The following RBM10 variants were observed in gnomAD, a reference collection of about 807,000 sequenced individuals.
RBM10 encodes RNA-binding protein 10.
RBM10 carries 1 observed loss-of-function variant against 84.9 expected under a neutral mutation model. The ratio of observed to expected loss-of-function variants is 0.01; its 90% confidence interval spans 0.00 to 0.06. RBM10 has a LOEUF of 0.06. Among genes scored for constraint, RBM10 ranks in the 10% least tolerant of loss-of-function variants. The pLI is 1.00. For missense variants in RBM10, 438 were observed against 839.0 expected, an observed-to-expected ratio of 0.52 and a Z score of 5.90; for synonymous variants, 326 against 344.5, an observed-to-expected ratio of 0.95 and a Z score of 0.60.
intron 17 of RBM10, among the ~76,000 whole-genome samples, 193 bp from the exon 18 acceptor site, chrX:47,184,862 T>G (rs1005087822): frequency 2.7e-5 from 3 of 110,759 alleles, no homozygotes; most frequent in Non-Finnish European, 5.7e-5. Context: ...TTATACTTCA[T>G]GAAAGAGCGC....
At position 47,185,480 on chromosome X, in the gene RBM10, G is replaced by A; in HGVS notation, c.2205G>A (p.Glu735=). 1 of 1,173,027 alleles carries A rather than the reference G, an allele frequency of 8.5e-7. No homozygotes were observed. The highest frequency in any genetic ancestry group is 1.1e-6 in the Non-Finnish European group (1 of 875,718). The change falls in exon 20 of 24, where the codon GAG becomes GAA. Residue 735 remains glutamate (E), a synonymous_variant. Coordinates refer to ENST00000377604, the MANE Select transcript of RBM10 (RefSeq NM_005676.5). ...PRGLVAAYSG[E]SDSEEEQERG... ...GACTGGTGGCAGCCTACAGCGGGGA[G>A]AGTGACAGTGAGGAGGAGCAGGAGC... is the stretch of plus-strand genomic sequence containing the variant.
intron 5 of RBM10, among the ~76,000 whole-genome samples, chrX:47,174,582 G>T (rs782318007): frequency 9.0e-6 from 1 of 111,655 alleles, no homozygotes; most frequent in African/African-American, 3.3e-5. Context: ...AGCTGGGCCC[G>T]CCCTGGAGTT....
chrX:47,169,565 T>G lies in RBM10; in HGVS notation c.201+67T>G, dbSNP rs1262945673. 32 of 1,070,315 alleles carry G rather than the reference T, an allele frequency of 3.0e-5. No individual in the cohort carries two copies. The East Asian group carries it at 9.1e-4, about 30-fold the overall frequency. 88.2% of individuals were successfully genotyped at this position (1,070,315 alleles called of 1,213,427 possible). ...CTCCCAAGGGCCCTCTGTGTCTGGC[T>G]GCAGCACCGTGTGCAGGCAGCTCTC... On this transcript the variant is annotated intron_variant, in intron 3 of 23. Transcript: ENST00000377604.
In RBM10 at chrX:47,181,508, T is replaced by A. The variant is rs782191426; in HGVS notation, c.1437T>A (p.Gly479=). Residue 479 remains glycine, a splice_region_variant and synonymous_variant, in exon 14 of 24, where the codon GGT becomes GGA. Transcript: ENST00000377604. ...TCCCTGCCCTGTCCCTCCTTACAGGTCCCGAGGCCTCCCTAGAGCCTGGGG... is the reference window on the plus strand; with the variant it reads ...TCCCTGCCCTGTCCCTCCTTACAGGACCCGAGGCCTCCCTAGAGCCTGGGG... ...TGTKGDPTGA[G]PEASLEPGAD... is the part of the protein sequence containing the mutation. 8.3e-7 allele frequency: 1 copy of A among 1,210,056 alleles called. No homozygotes were observed. The highest frequency in any genetic ancestry group is 1.7e-5 in the African/African-American group (1 of 57,345).
chrX:47,163,272 G>C (rs1273148059), intron 2 of RBM10, among the ~76,000 whole-genome samples: 1 of 111,236 alleles, frequency 9.0e-6, no homozygotes, highest in Non-Finnish European at 1.9e-5. Context: ...ATTAAATCTT[G>C]GATCAGAAAA....
At chrX:47,154,914 G>A (rs1253627757) in intron 2 of RBM10, among the ~76,000 whole-genome samples, 5 of 109,090 alleles carry the variant, frequency 4.6e-5, no homozygotes, top group South Asian at 4.1e-4. Context: ...TTGGGAGGCC[G>A]AGGCGGGTGA....
chrX:47,168,166 C>T (rs1378515862), intron 2 of RBM10, among the ~76,000 whole-genome samples: 6 of 111,609 alleles, frequency 5.4e-5, no homozygotes, highest in African/African-American at 2.0e-4. Flanking sequence ...TTGTTGAGCG[C>T]CTACTGAGTG....
At position 47,179,968 on chromosome X, in the gene RBM10, C is replaced by T. The variant is rs1431043548; in HGVS notation, c.990C>T (p.Asn330=). The T allele has an allele frequency of 6.6e-6, 8 of 1,209,703 alleles. No homozygotes were observed. Among genetic ancestry groups the T allele is most frequent in the African/African-American group, 3.5e-5 (2 of 57,178 alleles). The stretch of plus-strand genomic sequence containing the variant: ...CCTACGCGGTGCTGTCCTCCTCCAA[C>T]GTGCGCGTCATAAAGGACAAGCAGA... ...LAPYAVLSSS[N]VRVIKDKQTQ... The change falls in exon 10 of 24, where the codon AAC becomes AAT. Residue 330 remains asparagine, a synonymous_variant. Transcript: ENST00000377604.
Position 47,171,116 on chromosome X carries a change from C to G in RBM10, c.290C>G (p.Pro97Arg). 1.7e-6 allele frequency: 2 copies of G among 1,209,784 alleles called. No individual in the cohort carries two copies. Among genetic ancestry groups the G allele is most frequent in the Non-Finnish European group, 2.2e-6 (2 of 894,796 alleles). Reference protein sequence around the residue: ...RHSPTGPPGFPRDGDYRDQDY... With the variant: ...RHSPTGPPGFRRDGDYRDQDY... ...AGCCCCACCGGCCCGCCAGGCTTCC[C>G]CCGAGACGGCGACTATCGGGACCAG... Residue 97 changes from proline to arginine, a missense_variant, in exon 4 of 24, where the codon CCC (proline) becomes CGC (arginine). Transcript: ENST00000377604.
At chrX:47,170,973 G>C in intron 3 of RBM10, 55 bp from the exon 4 acceptor site, 2 of 1,155,269 alleles carry the variant, frequency 1.7e-6, no homozygotes, top group Non-Finnish European at 2.4e-6. Context: ...CCAGCTCCTA[G>C]GCCTGCCCAG....
At chrX:47,160,993 C>T (rs1933638468) in intron 2 of RBM10, among the ~76,000 whole-genome samples, 1 of 111,560 alleles carries the variant, frequency 9.0e-6, no homozygotes, top group Non-Finnish European at 1.9e-5. Context: ...GCTGTGTTGC[C>T]CTGGCTGGCT....
At chrX:47,173,008 C>A (rs1236443472) in intron 4 of RBM10, 120 bp from the exon 5 acceptor site, 1 of 1,167,651 alleles carries the variant, frequency 8.6e-7, no homozygotes, top group East Asian at 3.2e-5. Context: ...GCGAAAGAGG[C>A]GGAGGAGACT....
rs201979048 is a variant in RBM10, at chrX:47,150,163, TTTTGTTTG to T, written c.17+2681_17+2688del. ...GCTTTATCTGTTAATGTATAGTGTT[TTTTGTTTG>T]TTTGTTTGTTTGTTTTGAGATGAGT... On this transcript the variant is annotated intron_variant, in intron 2 of 23. Coordinates refer to ENST00000377604, the MANE Select transcript of RBM10 (RefSeq NM_005676.5). 6.4e-5 allele frequency among the ~76,000 whole-genome samples: 7 copies of T among 109,324 alleles called. No homozygotes were observed. In the East Asian group the frequency reaches 8.7e-4, roughly 14 times the overall value. 94.9% of individuals were successfully genotyped at this position (109,324 alleles called of 115,157 possible).
intron 2 of RBM10, among the ~76,000 whole-genome samples, chrX:47,163,964 A>G (rs1285855671): frequency 1.1e-5 from 1 of 88,529 alleles, no homozygotes; most frequent in African/African-American, 4.6e-5. Flanking sequence ...CACCTCCCGG[A>G]TTCACGCCAT....
chrX:47,158,100 A>G (rs782415325), intron 2 of RBM10: 1 of 200,829 alleles, frequency 5.0e-6, no homozygotes, highest in South Asian at 6.5e-5. Flanking sequence ...TCTATCCCTC[A>G]CTTCCTGCAC....
chrX:47,147,047 C>T (rs955569154), intron 1 of RBM10, among the ~76,000 whole-genome samples: 3 of 111,741 alleles, frequency 2.7e-5, no homozygotes, highest in East Asian at 2.8e-4. Context: ...AATTTGTCTA[C>T]CTGTCTTAGG....
chrX:47,161,989 C>T (rs990785264), intron 2 of RBM10, among the ~76,000 whole-genome samples: 11 of 110,879 alleles, frequency 9.9e-5, no homozygotes, highest in African/African-American at 3.0e-4. Context: ...ATTACAGGCA[C>T]GCGTTACCAC....
chrX:47,149,809 C>T (rs1264107778), intron 2 of RBM10, among the ~76,000 whole-genome samples: 1 of 106,853 alleles, frequency 9.4e-6, no homozygotes, highest in Non-Finnish European at 1.9e-5. Flanking sequence ...TTTTGATGTG[C>T]TAGCATCATT....
chrX:47,153,557 A>T (rs1365642877), intron 2 of RBM10, among the ~76,000 whole-genome samples: 1 of 111,542 alleles, frequency 9.0e-6, no homozygotes, highest in East Asian at 2.8e-4. Flanking sequence ...TATTTAAGTG[A>T]TTTATGTATA....
Sources: gnomAD v4.1 joint callset for allele counts (sites outside exome capture counted in the v4.1 genomes callset) on GRCh38, gnomAD v4.1.1 for gene constraint, MANE v1.5 for transcripts, NCBI Gene and HGNC (gene_info 2026-07-23, HGNC 2026-07-21) for gene names.